The following NTN1 variants were observed in gnomAD, a reference collection of about 807,000 sequenced individuals.
The protein encoded by NTN1 is netrin-1.
A neutral mutation model predicts 54.2 loss-of-function variants in NTN1; 11 were observed. That is an observed-to-expected ratio of 0.20 (90% confidence interval 0.13 to 0.34). The LOEUF (loss-of-function observed/expected upper bound fraction) is 0.34, where lower values mean the gene tolerates loss of function less well. Ranked by LOEUF, NTN1 falls within the 10% of genes least tolerant of loss-of-function variation. The pLI is 1.00. For synonymous variants in NTN1, 371 were observed against 382.0 expected (o/e 0.97, Z 0.33); for missense variants, 740 against 893.1 (o/e 0.83, Z 2.18).
chr17:9,025,673 C>T (rs1358383919), intron 2 of NTN1, among the ~76,000 whole-genome samples: 1 of 152,140 alleles, frequency 6.6e-6, no homozygotes, highest in African/African-American at 2.4e-5. Flanking sequence ...TTGAAGTTCC[C>T]ATAAAGTCTT....
At chr17:9,101,067 C>A (rs1320290749) in intron 2 of NTN1, among the ~76,000 whole-genome samples, 1 of 152,142 alleles carries the variant, frequency 6.6e-6, no homozygotes, top group Non-Finnish European at 1.5e-5. Flanking sequence ...TTATTAAATT[C>A]ATTATGTTCT....
chr17:9,031,299 A>C (rs1335015525), intron 2 of NTN1, among the ~76,000 whole-genome samples: 1 of 152,118 alleles, frequency 6.6e-6, no homozygotes, highest in Non-Finnish European at 1.5e-5. Flanking sequence ...TGCCTGCTTG[A>C]TTGCCATTGT....
intron 5 of NTN1, among the ~76,000 whole-genome samples, chr17:9,208,548 G>C (rs901196998): frequency 1.3e-5 from 2 of 152,172 alleles, no homozygotes; most frequent in African/African-American, 2.4e-5. Flanking sequence ...TAAGAACCTG[G>C]AGGTTTTCTT....
chr17:9,114,577 A>G (rs1275156842), intron 2 of NTN1, among the ~76,000 whole-genome samples: 1 of 151,986 alleles, frequency 6.6e-6, no homozygotes, highest in Non-Finnish European at 1.5e-5. Flanking sequence ...ACATAGTGAA[A>G]CCCTGTCTCT....
At chr17:9,094,073 C>A (rs977054893) in intron 2 of NTN1, among the ~76,000 whole-genome samples, 1 of 152,182 alleles carries the variant, frequency 6.6e-6, no homozygotes, top group Non-Finnish European at 1.5e-5. Flanking sequence ...TTGTTATATA[C>A]ACTTCTGTTT....
chr17:9,067,022 T>C (rs1488379004), intron 2 of NTN1, among the ~76,000 whole-genome samples: 1 of 139,266 alleles, frequency 7.2e-6, no homozygotes, highest in Non-Finnish European at 1.5e-5. Context: ...AAAAGGCACA[T>C]TGAGCCGGAG....
chr17:9,186,392 T>C (rs1466729494), intron 5 of NTN1, among the ~76,000 whole-genome samples: 1 of 152,226 alleles, frequency 6.6e-6, no homozygotes, highest in Non-Finnish European at 1.5e-5. Context: ...GGATCACAGC[T>C]GCCTTTGCGT....
intron 2 of NTN1, among the ~76,000 whole-genome samples, chr17:9,084,337 C>T (rs765579021): frequency 3.9e-5 from 6 of 152,150 alleles, no homozygotes; most frequent in Non-Finnish European, 8.8e-5. Flanking sequence ...ATTCCATGAA[C>T]GTGCAGGATG....
intron 2 of NTN1, among the ~76,000 whole-genome samples, chr17:9,048,955 G>A (rs916990885): frequency 1.1e-4 from 16 of 152,168 alleles, no homozygotes; most frequent in East Asian, 1.9e-4. Context: ...CGCGCCCGGC[G>A]GAAAATGCTT....
intron 2 of NTN1, among the ~76,000 whole-genome samples, chr17:9,030,694 A>G (rs1248015389): frequency 1.3e-5 from 2 of 152,018 alleles, no homozygotes; most frequent in Non-Finnish European, 2.9e-5. Context: ...GCAGTGAGCC[A>G]AGATCACGCC....
chr17:9,167,249 T>C (rs1005670568), intron 3 of NTN1, among the ~76,000 whole-genome samples: 1 of 152,192 alleles, frequency 6.6e-6, no homozygotes, highest in African/African-American at 2.4e-5. Context: ...TTGGAGTCTG[T>C]CAAAAGACAG....
At chr17:9,191,865 TAAAAAAAAAAAAAA>T (rs60675960) in intron 5 of NTN1, among the ~76,000 whole-genome samples, 1 of 89,186 alleles carries the variant, frequency 1.1e-5, no homozygotes, top group South Asian at 4.6e-4. Context: ...TTATCGCTAC[TAAAAAAAAAAAAAA>T]AAAAAAAAAA....
At chr17:9,143,186 G>A (rs2142281895) in intron 2 of NTN1, among the ~76,000 whole-genome samples, 1 of 152,328 alleles carries the variant, frequency 6.6e-6, no homozygotes, top group East Asian at 1.9e-4. Flanking sequence ...AGTAGAGGAT[G>A]AGAAGAAGGT....
intron 2 of NTN1, among the ~76,000 whole-genome samples, chr17:9,075,232 G>A (rs369726272): frequency 2.0e-5 from 3 of 152,324 alleles, no homozygotes; most frequent in South Asian, 2.1e-4. Context: ...TGTAATCCCA[G>A]CACTTTGGGA....
chr17:9,228,264 C>G (rs149872189), intron 6 of NTN1, among the ~76,000 whole-genome samples: 2 of 152,294 alleles, frequency 1.3e-5, no homozygotes, highest in Non-Finnish European at 2.9e-5. Context: ...GCTCACTGGG[C>G]AAAGCAGGGC....
At chr17:9,183,048 A>G (rs1324010440) in intron 5 of NTN1, 79 bp downstream of exon 5, 3 of 1,448,834 alleles carry the variant, frequency 2.1e-6, no homozygotes, top group Non-Finnish European at 9.7e-7. Context: ...GGGAAGGGGC[A>G]TTGGAAAGCC....
rs1384014302 is a variant in NTN1, at chr17:9,037,722, G to A, written c.1018+14331G>A. ...TTAGCCCGATGGACAAAGCTTCTTC[G>A]TCCCCTTTTGACCCAGGGGGCATTT... is the stretch of plus-strand genomic sequence containing the variant. On this transcript the variant is annotated intron_variant, in intron 2 of 6. Transcript: ENST00000173229. Among the ~76,000 whole-genome samples the A allele has an allele frequency of 4.6e-5, 7 of 152,024 alleles. No individual in the cohort carries two copies. In the South Asian group the frequency reaches 6.2e-4, roughly 14 times the overall value.
At chr17:9,038,106 TC>T (rs1334558423) in intron 2 of NTN1, among the ~76,000 whole-genome samples, 2 of 152,024 alleles carry the variant, frequency 1.3e-5, no homozygotes, top group African/African-American at 4.8e-5. Context: ...AATAAATGAC[TC>T]CCTAGGTTCC....
chr17:9,058,471 C>T (rs2091985885), intron 2 of NTN1, among the ~76,000 whole-genome samples: 1 of 151,544 alleles, frequency 6.6e-6, no homozygotes, highest in African/African-American at 2.4e-5. Flanking sequence ...TGTTCTGGCC[C>T]TAAGTGGCCC....
Sources: gnomAD v4.1 joint callset for allele counts (sites outside exome capture counted in the v4.1 genomes callset) on GRCh38, gnomAD v4.1.1 for gene constraint, MANE v1.5 for transcripts, NCBI Gene and HGNC (gene_info 2026-07-23, HGNC 2026-07-21) for gene names.